The following CREB5 variants were observed in gnomAD, a reference collection of about 807,000 sequenced individuals.
CREB5 encodes the protein cAMP responsive element binding protein 5.
Under a neutral mutation model 57.1 loss-of-function variants are expected in CREB5, and 19 were observed. The observed-to-expected ratio is 0.33, with a 90% confidence interval of 0.23 to 0.49. CREB5 has a LOEUF of 0.49. CREB5 is among the 20% of genes least tolerant of loss of function. The probability of loss-of-function intolerance (pLI) is 0.99; values close to 1 mark genes in which losing one functional copy is unlikely to be tolerated. For missense variants in CREB5, 579 were observed against 671.6 expected, an observed-to-expected ratio of 0.86 and a Z score of 1.52; for synonymous variants, 238 against 238.3, an observed-to-expected ratio of 1.00 and a Z score of 0.01.
intron 4 of CREB5, among the ~76,000 whole-genome samples, chr7:28,521,064 G>A (rs1458567434): frequency 6.6e-6 from 1 of 152,150 alleles, no homozygotes; most frequent in African/African-American, 2.4e-5. Context: ...CTCCTTAAGA[G>A]GTACCATTAA....
In CREB5 at chr7:28,721,577, C is replaced by G. The variant is rs564176938; in HGVS notation, c.592-2645C>G. 1.1e-4 allele frequency among the ~76,000 whole-genome samples: 17 copies of G among 152,286 alleles called. No homozygotes were observed. The East Asian group carries it at 3.3e-3, about 29-fold the overall frequency. The stretch of plus-strand genomic sequence containing the variant: ...TGTGTCTATAAGTGAGGACAGGATT[C>G]TTCACTGATTTGTAATGCATGCTGC... On this transcript the variant is annotated intron_variant, in intron 6 of 10. Transcript: ENST00000357727.
intron 5 of CREB5, among the ~76,000 whole-genome samples, chr7:28,654,489 A>G (rs1799259816): frequency 6.6e-6 from 1 of 151,920 alleles, no homozygotes; most frequent in South Asian, 2.1e-4. Flanking sequence ...GAGCATGCCA[A>G]CATCATAGGC....
At chr7:28,667,033 G>A (rs753313361) in intron 5 of CREB5, among the ~76,000 whole-genome samples, 1 of 151,964 alleles carries the variant, frequency 6.6e-6, no homozygotes, top group African/African-American at 2.4e-5. Flanking sequence ...GGTCACCAGC[G>A]ACAAGACTTG....
chr7:28,695,052 C>T (rs1801473220), intron 5 of CREB5, among the ~76,000 whole-genome samples: 1 of 152,054 alleles, frequency 6.6e-6, no homozygotes, highest in Admixed American at 6.6e-5. Flanking sequence ...TAGGGAGACC[C>T]CATCTCTACA....
At chr7:28,796,986 G>A (rs1414709830) in intron 7 of CREB5, among the ~76,000 whole-genome samples, 3 of 152,160 alleles carry the variant, frequency 2.0e-5, no homozygotes, top group African/African-American at 7.2e-5. Flanking sequence ...AGAGACGCAG[G>A]GAAGTGGTAT....
intron 1 of CREB5, among the ~76,000 whole-genome samples, chr7:28,334,777 C>G (rs892569914): frequency 6.6e-6 from 1 of 152,118 alleles, no homozygotes; most frequent in Admixed American, 6.6e-5. Context: ...GAAATCTTTG[C>G]CCAGTCCAAT....
chr7:28,605,550 C>T (rs758845208), intron 5 of CREB5, among the ~76,000 whole-genome samples: 17 of 152,154 alleles, frequency 1.1e-4, no homozygotes, highest in African/African-American at 3.6e-4. Context: ...CCAAACAATG[C>T]GCTAAAATTA....
intron 8 of CREB5, 81 bp from the exon 9 acceptor site, chr7:28,809,106 T>G (rs1351083833): frequency 1.5e-6 from 2 of 1,324,190 alleles, no homozygotes; most frequent in Non-Finnish European, 2.1e-6. Flanking sequence ...GCTTTGCTTT[T>G]TAACATCAGC....
chr7:28,550,133 TTCTTCCTC>T (rs1794569694), intron 4 of CREB5, among the ~76,000 whole-genome samples: 1 of 152,152 alleles, frequency 6.6e-6, no homozygotes. Context: ...CTTACTCCTC[TTCTTCCTC>T]TCTTCCTCCT....
At chr7:28,488,267 T>A in intron 2 of CREB5, 21 bp downstream of exon 2, 1 of 1,610,426 alleles carries the variant, frequency 6.2e-7, no homozygotes, top group South Asian at 1.1e-5. Flanking sequence ...GGATCCTCCC[T>A]GCTCTGACAT....
At chr7:28,613,292 A>T (rs1378495843) in intron 5 of CREB5, among the ~76,000 whole-genome samples, 1 of 152,212 alleles carries the variant, frequency 6.6e-6, no homozygotes, top group East Asian at 1.9e-4. Context: ...ATTGCAATAT[A>T]TTGGGTCTGA....
chr7:28,629,326 C>T (rs1798117215), intron 5 of CREB5, among the ~76,000 whole-genome samples: 2 of 152,174 alleles, frequency 1.3e-5, no homozygotes, highest in African/African-American at 2.4e-5. Context: ...GTCCTCCTTC[C>T]ACCTCCTCCC....
At chr7:28,459,620 A>G (rs1790267495) in intron 1 of CREB5, among the ~76,000 whole-genome samples, 1 of 152,166 alleles carries the variant, frequency 6.6e-6, no homozygotes, top group Non-Finnish European at 1.5e-5. Flanking sequence ...CAGATGGCAG[A>G]CATGGATACA....
intron 4 of CREB5, among the ~76,000 whole-genome samples, chr7:28,534,003 T>C (rs1442177372): frequency 3.3e-5 from 5 of 152,212 alleles, no homozygotes; most frequent in African/African-American, 1.2e-4. Context: ...CTAGATCCTG[T>C]CATCCCAACC....
intron 3 of CREB5, among the ~76,000 whole-genome samples, chr7:28,502,415 A>C (rs1340557327): frequency 6.6e-6 from 1 of 152,204 alleles, no homozygotes; most frequent in Non-Finnish European, 1.5e-5. Flanking sequence ...TACCTAAGAA[A>C]AATACCTTTT....
intron 5 of CREB5, among the ~76,000 whole-genome samples, chr7:28,596,295 G>A (rs1796689787): frequency 6.6e-6 from 1 of 152,090 alleles, no homozygotes; most frequent in Non-Finnish European, 1.5e-5. Context: ...CAAACAAACT[G>A]AAATTTTACT....
In CREB5 at chr7:28,820,455, T is replaced by C. The variant is rs893998711; in HGVS notation, c.*1176T>C. ...TAAGCCTATGGAACCGGCTTTGCTG[T>C]TCTGGGGGGTGAAAATAGACTAACT... On this transcript the variant is annotated 3_prime_UTR_variant, in exon 11 of 11. Transcript: ENST00000357727. 4.6e-5 allele frequency: 7 copies of C among 152,136 alleles called. No individual in the cohort carries two copies. The highest frequency in any genetic ancestry group is 1.5e-4 in the African/African-American group (6 of 41,250). The allele number at this position is 152,136 out of a possible 1,614,324, so 9.4% of individuals were successfully genotyped here.
At chr7:28,521,757 T>C (rs535740946) in intron 4 of CREB5, among the ~76,000 whole-genome samples, 152 of 152,296 alleles carry the variant, frequency 1.0e-3, no homozygotes, top group African/African-American at 3.5e-3. Context: ...TCTGACCAGA[T>C]ACAGAAGGGC....
intron 1 of CREB5, among the ~76,000 whole-genome samples, chr7:28,415,912 A>G (rs1217214475): frequency 2.6e-5 from 4 of 152,218 alleles, no homozygotes; most frequent in Non-Finnish European, 4.4e-5. Flanking sequence ...CCAGATGGAT[A>G]TATATGAGTG....
Sources: gnomAD v4.1 joint callset for allele counts (sites outside exome capture counted in the v4.1 genomes callset) on GRCh38, gnomAD v4.1.1 for gene constraint, MANE v1.5 for transcripts, NCBI Gene and HGNC (gene_info 2026-07-23, HGNC 2026-07-21) for gene names.